The following PREX2 variants were observed in gnomAD, a reference collection of about 807,000 sequenced individuals.
PREX2 encodes phosphatidylinositol 3,4,5-trisphosphate-dependent Rac exchanger 2 protein.
Under a neutral mutation model 203.2 loss-of-function variants are expected in PREX2, and 107 were observed. That is an observed-to-expected ratio of 0.53 (90% CI 0.45 to 0.62). The LOEUF is 0.62. PREX2 is among the 20% of genes least tolerant of loss of function. The pLI is 0.00. For missense variants in PREX2, 1,777 were observed against 1,955.9 expected (o/e 0.91, Z 1.72); for synonymous variants, 672 against 663.6 (o/e 1.01, Z -0.19).
chr8:68,094,289 T>C (rs1224467418), intron 21 of PREX2, among the ~76,000 whole-genome samples: 4 of 152,226 alleles, frequency 2.6e-5, no homozygotes, highest in African/African-American at 9.6e-5. Context: ...TCTAGAAGAT[T>C]CTTTTTTACT....
At chr8:67,958,918 A>G (rs1805559301) in intron 1 of PREX2, among the ~76,000 whole-genome samples, 1 of 152,240 alleles carries the variant, frequency 6.6e-6, no homozygotes, top group African/African-American at 2.4e-5. Context: ...GCTGAGCCAC[A>G]AATACTACTA....
chr8:68,087,526 C>T (rs547899812), intron 18 of PREX2, among the ~76,000 whole-genome samples, 198 bp from the exon 19 acceptor site: 2 of 152,260 alleles, frequency 1.3e-5, no homozygotes, highest in South Asian at 2.1e-4. Flanking sequence ...TACTGTGTAA[C>T]GACTGTGTTC....
chr8:68,004,740 A>C (rs918958066), intron 1 of PREX2, among the ~76,000 whole-genome samples: 2 of 152,246 alleles, frequency 1.3e-5, no homozygotes, highest in African/African-American at 2.4e-5. Flanking sequence ...GGCATTTGAC[A>C]TTGAGAGGTT....
intron 1 of PREX2, among the ~76,000 whole-genome samples, chr8:67,963,403 G>A (rs1367341031): frequency 6.6e-6 from 1 of 151,954 alleles, no homozygotes; most frequent in African/African-American, 2.4e-5. Context: ...GTCAAAAATG[G>A]GCCTATAAGA....
intron 1 of PREX2, among the ~76,000 whole-genome samples, chr8:67,957,764 A>G (rs1423597161): frequency 6.6e-6 from 1 of 152,202 alleles, no homozygotes; most frequent in Admixed American, 6.5e-5. Context: ...GATTCAGCAC[A>G]TTATGCTTAA....
At chr8:68,140,787 G>A (rs576921012) in intron 33 of PREX2, among the ~76,000 whole-genome samples, 3 of 152,208 alleles carry the variant, frequency 2.0e-5, no homozygotes, top group South Asian at 2.1e-4. Flanking sequence ...GGCTATACTA[G>A]TATTCAGTAA....
At chr8:68,047,331 A>G (rs1036007273) in intron 8 of PREX2, among the ~76,000 whole-genome samples, 3 of 151,620 alleles carry the variant, frequency 2.0e-5, no homozygotes, top group Non-Finnish European at 4.4e-5. Context: ...TAATGTCCCT[A>G]TGCCAAGTAC....
intron 1 of PREX2, among the ~76,000 whole-genome samples, chr8:67,953,973 A>G (rs905826225): frequency 6.6e-6 from 1 of 152,200 alleles, no homozygotes; most frequent in African/African-American, 2.4e-5. Flanking sequence ...TTCTTACATA[A>G]TTACTCTTTC....
chr8:68,092,735 GACTATTAGGGGA>G (rs1809919341), intron 20 of PREX2, among the ~76,000 whole-genome samples: 2 of 152,142 alleles, frequency 1.3e-5, no homozygotes, highest in African/African-American at 4.8e-5. Context: ...GAATATATCT[GACTATTAGGGGA>G]ACATGTAAAT....
Position 68,080,433 on chromosome 8 carries a change from T to C in PREX2, c.1643-10T>C. ...TAGCTGAAATAATTTGCATCTGTCT[T>C]TTTCTGTAGTCCTTGAAAAAAGCGA... On this transcript the variant is annotated splice_polypyrimidine_tract_variant and intron_variant, in intron 15 of 39. Transcript: ENST00000288368. 6.2e-7 allele frequency: 1 copy of C among 1,607,830 alleles called. No homozygotes were observed. Among genetic ancestry groups the C allele is most frequent in the Non-Finnish European group, 8.5e-7 (1 of 1,178,432 alleles).
chr8:67,959,576 C>T (rs957359968), intron 1 of PREX2, among the ~76,000 whole-genome samples: 1 of 152,174 alleles, frequency 6.6e-6, no homozygotes, highest in African/African-American at 2.4e-5. Flanking sequence ...GCATAGCAAG[C>T]ACCCCCATGG....
chr8:68,021,182 TC>T (rs1271087307), intron 3 of PREX2, among the ~76,000 whole-genome samples: 3 of 152,206 alleles, frequency 2.0e-5, no homozygotes, highest in African/African-American at 7.2e-5. Context: ...TTTATTTTGT[TC>T]CTACTTTAGT....
rs1236655248 is a variant in PREX2, at chr8:68,235,859, G to C, written c.*4481G>C. The C allele has an allele frequency of 6.6e-6, 1 of 152,132 alleles. No individual in the cohort carries two copies. Among genetic ancestry groups the C allele is most frequent in the East Asian group, 1.9e-4 (1 of 5,188 alleles). 9.4% of individuals were successfully genotyped at this position (152,132 alleles called of 1,614,324 possible). A position where few individuals can be genotyped will look rare whatever the true frequency, so the allele number is the denominator to read the frequency against. On this transcript the variant is annotated 3_prime_UTR_variant, in exon 40 of 40. Coordinates refer to ENST00000288368, the MANE Select transcript of PREX2 (RefSeq NM_024870.4). ...GTCATACATGGAAGACTGTTAAAGTGTGGTCTGTGCATCATTGAGCAATTG... is the reference window on the plus strand; with the variant it reads ...GTCATACATGGAAGACTGTTAAAGTCTGGTCTGTGCATCATTGAGCAATTG...
At chr8:68,052,445 C>T (rs1037553884) in intron 8 of PREX2, among the ~76,000 whole-genome samples, 1 of 152,158 alleles carries the variant, frequency 6.6e-6, no homozygotes, top group Non-Finnish European at 1.5e-5. Flanking sequence ...TCAAAAAAGA[C>T]AATTAAATGT....
rs144155575 is a variant in PREX2, at chr8:68,095,537, A to ATG, written c.2369-1460_2369-1459dup. Among the ~76,000 whole-genome samples, 372 of 146,168 alleles carry ATG rather than the reference A, an allele frequency of 2.5e-3. 1 individual carries two copies. Among genetic ancestry groups the ATG allele is most frequent in the East Asian group, 7.1e-3 (35 of 4,910 alleles). ...CATACATACATACATACATACATATATGTGTGTGTGTGTGTGTGTGTATCT... is the reference window on the plus strand; with the variant it reads ...CATACATACATACATACATACATATATGTGTGTGTGTGTGTGTGTGTGTATCT... On this transcript the variant is annotated intron_variant, in intron 21 of 39. Transcript: ENST00000288368.
chr8:68,047,565 T>A lies in PREX2; in HGVS notation c.943+2975T>A, dbSNP rs557285269. Among the ~76,000 whole-genome samples the A allele has an allele frequency of 4.2e-4, 63 of 148,986 alleles. 1 individual carries two copies. The South Asian group carries it at 0.013, about 30-fold the overall frequency. ...CATGCTTAGAACTTTTTCCTTTTTT[T>A]AAATTGAGATGGGGTGGTGGTGAGG... On this transcript the variant is annotated intron_variant, in intron 8 of 39. Transcript: ENST00000288368.
intron 35 of PREX2, among the ~76,000 whole-genome samples, chr8:68,173,701 C>A (rs563354134): frequency 6.6e-6 from 1 of 152,080 alleles, no homozygotes; most frequent in African/African-American, 2.4e-5. Context: ...ATAAGTCCTT[C>A]GTTGTGATAA....
intron 17 of PREX2, among the ~76,000 whole-genome samples, chr8:68,081,387 C>T (rs758312068): frequency 5.9e-5 from 9 of 152,076 alleles, no homozygotes; most frequent in Non-Finnish European, 1.0e-4. Flanking sequence ...CATACTGGTC[C>T]GCAGCCTGGG....
Position 68,118,631 on chromosome 8 carries a change from T to G in PREX2, c.3408T>G (p.Asp1136Glu). The change falls in exon 27 of 40, where the codon GAT becomes GAG. Residue 1136 changes from aspartate to glutamate, a missense_variant. Coordinates refer to ENST00000288368, the MANE Select transcript of PREX2 (RefSeq NM_024870.4). ...AGTGCAGCTCGTATTTCCACAGTGA[T>G]GAAATGGACTCAGGTGTGTTCGTTG... ...SSQCSSYFHS[D>E]EMDSGDELPL... 9 of 1,613,288 alleles carry G rather than the reference T, an allele frequency of 5.6e-6. No individual in the cohort carries two copies. The highest frequency in any genetic ancestry group is 7.6e-6 in the Non-Finnish European group (9 of 1,179,220).
Sources: allele counts gnomAD v4.1 joint callset (sites outside exome capture counted in the v4.1 genomes callset), GRCh38; gene constraint gnomAD v4.1.1; transcripts MANE v1.5; gene names NCBI Gene and HGNC (gene_info 2026-07-23, HGNC 2026-07-21).